AFDN: variants seen among roughly 807,000 people sequenced by gnomAD.
The protein encoded by AFDN is afadin, adherens junction formation factor.
In AFDN, 68 loss-of-function variants were observed where a neutral mutation model predicts 216.6. The ratio of observed to expected loss-of-function variants is 0.31; its 90% confidence interval spans 0.26 to 0.38. The LOEUF is 0.38. AFDN is among the 10% of genes least tolerant of loss of function. AFDN has a pLI of 1.00. For missense variants in AFDN, 2,136 were observed against 2,342.0 expected (o/e 0.91, Z 1.82); for synonymous variants, 868 against 853.7 (o/e 1.02, Z -0.29).
chr6:167,945,290 A>G (rs777409198), intron 26 of AFDN, among the ~76,000 whole-genome samples: 7 of 152,242 alleles, frequency 4.6e-5, no homozygotes, highest in East Asian at 1.9e-4. Flanking sequence ...ATCTGGTCCC[A>G]CGGGAAGGTC....
chr6:167,889,717 C>T (rs1787329528), intron 7 of AFDN, among the ~76,000 whole-genome samples: 1 of 152,334 alleles, frequency 6.6e-6, no homozygotes, highest in African/African-American at 2.4e-5. Context: ...GTCCCTAAGA[C>T]CACACTCAGC....
intron 30 of AFDN, among the ~76,000 whole-genome samples, chr6:167,959,580 T>TTTG (rs1164377961): frequency 2.0e-5 from 3 of 152,198 alleles, no homozygotes; most frequent in African/African-American, 7.2e-5. Flanking sequence ...TTTTAAGGGC[T>TTTG]TTAACAGAGT....
chr6:167,882,241 AG>A (rs1199825542), intron 6 of AFDN, among the ~76,000 whole-genome samples: 1 of 152,250 alleles, frequency 6.6e-6, no homozygotes, highest in Non-Finnish European at 1.5e-5. Context: ...TAAGCGATAG[AG>A]GGGGGAAAAT....
intron 1 of AFDN, among the ~76,000 whole-genome samples, chr6:167,851,855 T>C (rs1782343484): frequency 6.6e-6 from 1 of 152,224 alleles, no homozygotes; most frequent in Admixed American, 6.5e-5. Flanking sequence ...GAACCAAAGT[T>C]CTTGAGTTTT....
Position 167,951,988 on chromosome 6 carries a change from A to G in AFDN, c.4634A>G (p.Lys1545Arg), listed in dbSNP as rs1222793209. ...ATGCACATCGTGGACATGCTGAGCAAGGAGATCCAGGAGCTCCAGAGCAAA... is the reference window on the plus strand; with the variant it reads ...ATGCACATCGTGGACATGCTGAGCAGGGAGATCCAGGAGCTCCAGAGCAAA... ...QQMHIVDMLS[K>R]EIQELQSKPD... is the part of the protein sequence containing the mutation. Residue 1545 changes from lysine (K) to arginine (R), a missense_variant, in exon 30 of 34, where the codon AAG becomes AGG. Coordinates refer to ENST00000683244, the MANE Select transcript of AFDN (RefSeq NM_001386888.1). This position sits in a 1 kb window ranked among gnomAD's most constrained non-coding sequence, Gnocchi z 7.1. 6.2e-7 allele frequency: 1 copy of G among 1,614,200 alleles called. No homozygotes were observed. Among genetic ancestry groups the G allele is most frequent in the South Asian group, 1.1e-5 (1 of 91,078 alleles).
chr6:167,970,005 TG>T lies in AFDN; in HGVS notation c.*71del, dbSNP rs1246027420. Reference sequence around the variant, plus strand: ...AGTTGTGGGTTTGTAGGTGCGAGTTTGAAGAGGAAAAGAGGAAGGGGGTTAT... The same window carrying T: ...AGTTGTGGGTTTGTAGGTGCGAGTTTAAGAGGAAAAGAGGAAGGGGGTTAT... On this transcript the variant is annotated 3_prime_UTR_variant, in exon 34 of 34. Coordinates refer to ENST00000683244, the MANE Select transcript of AFDN (RefSeq NM_001386888.1). 6.1e-6 allele frequency: 8 copies of T among 1,304,452 alleles called. No homozygotes were observed. The highest frequency in any genetic ancestry group is 3.1e-5 in the African/African-American group (2 of 65,212). The allele number at this position is 1,304,452 out of a possible 1,614,324, so 80.8% of individuals were successfully genotyped here.
rs866821903 is a variant in AFDN at position 167,826,963 on chromosome 6, A to C, written c.-170A>C. 2,184 of 149,432 alleles carry C rather than the reference A, an allele frequency of 0.015. 59 individuals are homozygous for C. The highest frequency in any genetic ancestry group is 0.052 in the African/African-American group (2,069 of 40,084). 9.3% of individuals were successfully genotyped at this position (149,432 alleles called of 1,614,324 possible). A position where few individuals can be genotyped will look rare whatever the true frequency, so the allele number is the denominator to read the frequency against. On this transcript the variant is annotated 5_prime_UTR_variant, in exon 1 of 34. Coordinates refer to ENST00000683244, the MANE Select transcript of AFDN (RefSeq NM_001386888.1). ...CGCGGCGCGGCGCGGACTGAGCCCC[A>C]GGCGGAGGCCAAGTCGGAGGACGCG...
Position 167,849,629 on chromosome 6 carries a change from A to G in AFDN, c.106-14922A>G, listed in dbSNP as rs139398455. Reference sequence around the variant, plus strand: ...ACTTACCTAAAGAATTTGTTTCAGAATGTACTTTTTAGAAATCTATATGTG... The same window carrying G: ...ACTTACCTAAAGAATTTGTTTCAGAGTGTACTTTTTAGAAATCTATATGTG... On this transcript the variant is annotated intron_variant, in intron 1 of 33. Transcript: ENST00000683244. Among the ~76,000 whole-genome samples the G allele has an allele frequency of 4.8e-3, 734 of 152,270 alleles. 10 individuals carry two copies. Among genetic ancestry groups the G allele is most frequent in the African/African-American group, 0.017 (692 of 41,544 alleles).
Position 167,922,927 on chromosome 6 carries a change from GA to G in AFDN, c.2983del (p.Ser995ValfsTer14). ...WTIYFEGADYESHLLRENTEL... is the reference protein window; with the variant it reads ...WTIYFEGADYXSHLLRENTEL... ...AATATATTTTGAAGGTGCAGATTAT[GA>G]AAGTCACCTTCTGCGTGAGAACACA... On this transcript the variant is annotated frameshift_variant, in exon 22 of 34. Coordinates refer to ENST00000683244, the MANE Select transcript of AFDN (RefSeq NM_001386888.1). LOFTEE classifies it high-confidence loss of function. 1 of 1,613,138 alleles carries G rather than the reference GA, an allele frequency of 6.2e-7. No homozygotes were observed. Among genetic ancestry groups the G allele is most frequent in the Non-Finnish European group, 8.5e-7 (1 of 1,179,532 alleles).
In AFDN at chr6:167,947,395, G is replaced by T. The variant is rs560961917; in HGVS notation, c.3554-458G>T. 1.3e-4 allele frequency among the ~76,000 whole-genome samples: 20 copies of T among 152,198 alleles called. 1 individual carries two copies. In the East Asian group the frequency reaches 3.5e-3, roughly 26 times the overall value. ...GGGGTTTCACCATGTTAGCCAGGAT[G>T]GTCTCGATCTCCTGACCTCGTGATC... On this transcript the variant is annotated intron_variant, in intron 27 of 33. Transcript: ENST00000683244.
rs145347856 is a variant in AFDN at position 167,912,789 on chromosome 6, A to T, written c.2038-614A>T. Among the ~76,000 whole-genome samples the T allele has an allele frequency of 9.9e-3, 1,504 of 152,302 alleles. 11 individuals are homozygous for T. The highest frequency in any genetic ancestry group is 0.02 in the Middle Eastern group (6 of 294). ...ATCAAACAAGTCTTTTAAACTTCAG[A>T]TTTAGGGTTAGTATCCAGTGGGGGG... is the stretch of plus-strand genomic sequence containing the variant. On this transcript the variant is annotated intron_variant, in intron 15 of 33. Coordinates refer to ENST00000683244, the MANE Select transcript of AFDN (RefSeq NM_001386888.1).
rs2128665361 is a variant in AFDN at position 167,948,510 on chromosome 6, C to T, written c.3831+32C>T. 6 of 1,595,238 alleles carry T rather than the reference C, an allele frequency of 3.8e-6. No individual in the cohort carries two copies. In the East Asian group the frequency reaches 1.1e-4, roughly 30 times the overall value. On this transcript the variant is annotated intron_variant, in intron 29 of 33. Coordinates refer to ENST00000683244, the MANE Select transcript of AFDN (RefSeq NM_001386888.1). ...AATCAAAGATTCCACACACTTTTCT[C>T]ACCTCTCAAGGAGGACACACTGAGT...
At chr6:167,919,835 G>A (rs1258571978) in intron 21 of AFDN, among the ~76,000 whole-genome samples, 2 of 152,216 alleles carry the variant, frequency 1.3e-5, no homozygotes. Context: ...TAGACTCAAA[G>A]TGTAGGGGTT....
chr6:167,888,472 G>A (rs1787148148), intron 6 of AFDN, among the ~76,000 whole-genome samples: 1 of 152,238 alleles, frequency 6.6e-6, no homozygotes, highest in African/African-American at 2.4e-5. Flanking sequence ...GTGTTAGAGT[G>A]AAGATGGAGC....
intron 31 of AFDN, among the ~76,000 whole-genome samples, chr6:167,965,541 G>A (rs1472696384): frequency 1.3e-5 from 2 of 152,228 alleles, no homozygotes; most frequent in African/African-American, 4.8e-5. Flanking sequence ...ATGCTTCTGA[G>A]CAGTTTTCTG....
chr6:167,875,541 T>A (rs527403904), intron 5 of AFDN, 46 bp downstream of exon 5: 129 of 1,594,344 alleles, frequency 8.1e-5, no homozygotes, highest in Middle Eastern at 1.7e-4. Context: ...ACAAAGAGCA[T>A]TGTTTAATTA....
At chr6:167,958,777 T>C (rs1314936879) in intron 30 of AFDN, among the ~76,000 whole-genome samples, 2 of 152,212 alleles carry the variant, frequency 1.3e-5, no homozygotes, top group African/African-American at 4.8e-5. Flanking sequence ...TAGAAGGGGT[T>C]GAATTAAAAG....
At chr6:167,872,132 T>C in intron 3 of AFDN, 82 bp from the exon 4 acceptor site, 2 of 1,294,894 alleles carry the variant, frequency 1.5e-6, no homozygotes, top group East Asian at 2.3e-5. Flanking sequence ...CGGCAGCATG[T>C]GAGATGAAGT....
intron 26 of AFDN, 114 bp downstream of exon 26, chr6:167,944,173 G>A: frequency 1.3e-6 from 1 of 794,724 alleles, no homozygotes; most frequent in Non-Finnish European, 2.0e-6. Context: ...TAAAGAGAAA[G>A]AAATTGAGGA....
Sources: allele counts gnomAD v4.1 joint callset (sites outside exome capture counted in the v4.1 genomes callset), GRCh38; gene constraint gnomAD v4.1.1; non-coding constraint Gnocchi (gnomAD v3.1); transcripts MANE v1.5; gene names NCBI Gene and HGNC (gene_info 2026-07-23, HGNC 2026-07-21).